PKIB: variants seen among roughly 807,000 people sequenced by gnomAD.
The protein encoded by PKIB is PKI-beta.
Under a neutral mutation model 4.5 loss-of-function variants are expected in PKIB, and 2 were observed. The observed-to-expected ratio is 0.44, with a 90% CI of 0.18 to 1.39. The LOEUF (loss-of-function observed/expected upper bound fraction) is 1.39, where lower values mean the gene tolerates loss of function less well. Ranked by LOEUF, PKIB falls within the 40% of genes most tolerant of loss-of-function variation. PKIB has a pLI of 0.27. For missense variants in PKIB, 94 were observed against 92.6 expected (o/e 1.02, Z -0.06); for synonymous variants, 38 against 36.0 (o/e 1.06, Z -0.20).
At chr6:122,588,156 G>T (rs1331857445) in intron 3 of PKIB, among the ~76,000 whole-genome samples, 1 of 152,090 alleles carries the variant, frequency 6.6e-6, no homozygotes, top group Non-Finnish European at 1.5e-5. Context: ...TATGGTTTTA[G>T]GGCTGATATT....
At chr6:122,699,366 C>T (rs1451254948) in intron 3 of PKIB, among the ~76,000 whole-genome samples, 2 of 151,980 alleles carry the variant, frequency 1.3e-5, no homozygotes, top group East Asian at 3.9e-4. Flanking sequence ...CCAAATGGAT[C>T]ATATTAGCCT....
At chr6:122,508,170 A>G (rs112603679) in intron 2 of PKIB, among the ~76,000 whole-genome samples, 3,143 of 152,344 alleles carry the variant, frequency 0.021, 44 homozygotes, top group Admixed American at 0.03. Flanking sequence ...AATTTCCATG[A>G]TAGTAAAACA....
At chr6:122,542,859 G>A (rs1208617443) in intron 2 of PKIB, among the ~76,000 whole-genome samples, 1 of 152,086 alleles carries the variant, frequency 6.6e-6, no homozygotes, top group Non-Finnish European at 1.5e-5. Flanking sequence ...GCTGTGGTGG[G>A]CTCCACCCAA....
chr6:122,717,737 A>T, intron 3 of PKIB, 50 bp from the exon 4 acceptor site: 1 of 1,583,168 alleles, frequency 6.3e-7, no homozygotes, highest in East Asian at 2.3e-5. Context: ...TGTGGTGAAC[A>T]TTTACTTCTG....
chr6:122,598,720 G>T (rs554798884), intron 3 of PKIB, among the ~76,000 whole-genome samples: 1 of 152,218 alleles, frequency 6.6e-6, no homozygotes, highest in South Asian at 2.1e-4. Flanking sequence ...ATTAAACCAA[G>T]GGAGATCAGG....
At chr6:122,659,709 C>A (rs1193249640) in intron 2 of PKIB, among the ~76,000 whole-genome samples, 1 of 152,108 alleles carries the variant, frequency 6.6e-6, no homozygotes, top group Non-Finnish European at 1.5e-5. Flanking sequence ...TAATAACTCT[C>A]AGTCTTGAGC....
intron 1 of PKIB, among the ~76,000 whole-genome samples, chr6:122,629,393 C>A (rs1775597014): frequency 2.0e-5 from 3 of 152,042 alleles, no homozygotes; most frequent in Admixed American, 2.0e-4. Context: ...AATATAATAT[C>A]TATCATGAGT....
At chr6:122,657,870 A>G (rs1776835527) in intron 2 of PKIB, among the ~76,000 whole-genome samples, 1 of 152,214 alleles carries the variant, frequency 6.6e-6, no homozygotes, top group African/African-American at 2.4e-5. Flanking sequence ...TTCTTGAGCC[A>G]TTAAGGGACA....
intron 3 of PKIB, among the ~76,000 whole-genome samples, chr6:122,694,933 G>A (rs1013084908): frequency 2.2e-4 from 33 of 152,302 alleles, no homozygotes; most frequent in African/African-American, 7.9e-4. Flanking sequence ...AAAAGGACTG[G>A]TAAATAGAGT....
chr6:122,526,481 A>T (rs1301697741), intron 2 of PKIB, among the ~76,000 whole-genome samples: 1 of 152,148 alleles, frequency 6.6e-6, no homozygotes. Context: ...TGCAGAATGG[A>T]TGTTGTGTTA....
chr6:122,523,861 C>A (rs560291716), intron 2 of PKIB, among the ~76,000 whole-genome samples: 1 of 151,998 alleles, frequency 6.6e-6, no homozygotes, highest in Non-Finnish European at 1.5e-5. Flanking sequence ...GCTTCTCCTT[C>A]GCCTTCTGCC....
At chr6:122,518,448 G>A (rs532210070) in intron 2 of PKIB, among the ~76,000 whole-genome samples, 96 of 152,236 alleles carry the variant, frequency 6.3e-4, no homozygotes, top group African/African-American at 2.2e-3. Flanking sequence ...ATCCAAGTGT[G>A]TTGGGGAAGA....
At chr6:122,486,489 C>T (rs892081051) in intron 2 of PKIB, among the ~76,000 whole-genome samples, 1 of 152,116 alleles carries the variant, frequency 6.6e-6, no homozygotes, top group Non-Finnish European at 1.5e-5. Context: ...TATACATTTT[C>T]ATTTATAAGT....
intron 2 of PKIB, among the ~76,000 whole-genome samples, chr6:122,654,765 C>A (rs769035999): frequency 7.9e-5 from 12 of 152,072 alleles, no homozygotes; most frequent in Admixed American, 5.2e-4. Flanking sequence ...CACTAGATTT[C>A]TATTTTTTTA....
intron 4 of PKIB, among the ~76,000 whole-genome samples, chr6:122,718,818 C>A (rs1779609594): frequency 6.6e-6 from 1 of 152,054 alleles, no homozygotes; most frequent in Non-Finnish European, 1.5e-5. Context: ...TGCAAATGTT[C>A]CTGGTTCATT....
At position 122,497,455 on chromosome 6, in the gene PKIB, A is replaced by G. The variant is rs140961208; in HGVS notation, c.-248+19516A>G. Among the ~76,000 whole-genome samples the G allele has an allele frequency of 4.8e-3, 730 of 152,322 alleles. 4 individuals carry two copies. The highest frequency in any genetic ancestry group is 0.017 in the African/African-American group (688 of 41,572). Reference sequence around the variant, plus strand: ...CAAGTTGGATAGAAAAGCAAGACCCATTCATCTGCTGTCTTCAAGAGACTC... The same window carrying G: ...CAAGTTGGATAGAAAAGCAAGACCCGTTCATCTGCTGTCTTCAAGAGACTC... On this transcript the variant is annotated intron_variant, in intron 2 of 6. Coordinates refer to the PKIB transcript ENST00000392491.
At chr6:122,649,410 T>C (rs1016823675) in intron 2 of PKIB, among the ~76,000 whole-genome samples, 4 of 152,184 alleles carry the variant, frequency 2.6e-5, no homozygotes, top group African/African-American at 9.6e-5. Flanking sequence ...AGCATTGGCA[T>C]TGGCATATCA....
At chr6:122,615,905 C>T (rs1231952524) in intron 1 of PKIB, among the ~76,000 whole-genome samples, 1 of 152,138 alleles carries the variant, frequency 6.6e-6, no homozygotes, top group African/African-American at 2.4e-5. Context: ...TGGATTGCTG[C>T]CATTCTGAAC....
At chr6:122,581,092 G>A (rs978319239) in intron 2 of PKIB, among the ~76,000 whole-genome samples, 5 of 152,074 alleles carry the variant, frequency 3.3e-5, no homozygotes, top group Non-Finnish European at 5.9e-5. Flanking sequence ...TTGCACAGGC[G>A]GAATATCAAC....
Sources: gnomAD v4.1 joint callset for allele counts (sites outside exome capture counted in the v4.1 genomes callset) on GRCh38, gnomAD v4.1.1 for gene constraint, MANE v1.5 for transcripts, NCBI Gene and HGNC (gene_info 2026-07-23, HGNC 2026-07-21) for gene names.